The following MAP7 variants were observed in gnomAD, a reference collection of about 807,000 sequenced individuals.
MAP7 encodes the protein ensconsin.
A neutral mutation model predicts 94.8 loss-of-function variants in MAP7; 52 were observed. The ratio of observed to expected loss-of-function variants is 0.55; its 90% confidence interval spans 0.44 to 0.69. The LOEUF is 0.69. Among genes scored for constraint, MAP7 ranks in the 30% least tolerant of loss-of-function variants. The pLI, the probability that MAP7 is intolerant of heterozygous loss-of-function variation, is 0.00. For missense variants in MAP7, 940 were observed against 964.6 expected, an observed-to-expected ratio of 0.97 and a Z score of 0.34; for synonymous variants, 350 against 357.0, an observed-to-expected ratio of 0.98 and a Z score of 0.22.
intron 16 of MAP7, among the ~76,000 whole-genome samples, chr6:136,347,820 G>A (rs898449636): frequency 5.9e-5 from 9 of 151,940 alleles, no homozygotes; most frequent in African/African-American, 1.7e-4. Context: ...CCTTTTTTAC[G>A]GAAAAAATGA....
intron 1 of MAP7, among the ~76,000 whole-genome samples, chr6:136,497,202 T>C (rs796923849): frequency 4.6e-5 from 7 of 152,114 alleles, no homozygotes; most frequent in African/African-American, 1.7e-4. Flanking sequence ...GAAGGAATTG[T>C]AGAATGACTG....
At chr6:136,345,508 G>C (rs1787427300) in intron 17 of MAP7, among the ~76,000 whole-genome samples, 1 of 152,168 alleles carries the variant, frequency 6.6e-6, no homozygotes, top group African/African-American at 2.4e-5. Context: ...AGGCCGGATG[G>C]TCCAAAATTA....
At chr6:136,531,828 T>C (rs1035944730) in intron 1 of MAP7, among the ~76,000 whole-genome samples, 1 of 152,154 alleles carries the variant, frequency 6.6e-6, no homozygotes, top group Non-Finnish European at 1.5e-5. Context: ...AGATGAAAGA[T>C]GGAGAAGTGG....
chr6:136,377,966 A>G, intron 6 of MAP7, 98 bp from the exon 7 acceptor site: 1 of 811,156 alleles, frequency 1.2e-6, no homozygotes, highest in Admixed American at 2.0e-5. Flanking sequence ...CTGGGCCTTC[A>G]CAGGACCAGG....
At chr6:136,444,816 T>C (rs1189139496) in intron 1 of MAP7, among the ~76,000 whole-genome samples, 1 of 152,208 alleles carries the variant, frequency 6.6e-6, no homozygotes, top group Non-Finnish European at 1.5e-5. Context: ...TTCAAGCTTT[T>C]TTAAAAATGT....
At chr6:136,382,621 T>C (rs182735951) in intron 6 of MAP7, among the ~76,000 whole-genome samples, 27 of 152,310 alleles carry the variant, frequency 1.8e-4, no homozygotes, top group Middle Eastern at 3.4e-3. Flanking sequence ...AAGACAAGAA[T>C]GGAAAGTTGT....
Position 136,389,301 on chromosome 6 carries a change from C to T in MAP7, c.408+53G>A. 3 of 1,499,046 alleles carry T rather than the reference C, an allele frequency of 2.0e-6. No individual in the cohort carries two copies. The South Asian group carries it at 4.2e-5, about 21-fold the overall frequency. The allele number at this position is 1,499,046 out of a possible 1,614,324, so 92.9% of individuals were successfully genotyped here. A position where few individuals can be genotyped will look rare whatever the true frequency, so the allele number is the denominator to read the frequency against. The stretch of plus-strand genomic sequence containing the variant: ...ACTGCAAAGTTTCACAGAAAGTTTG[C>T]TGCATGTCTGAACTAGAGGAGCCAC... On this transcript the variant is annotated intron_variant, in intron 4 of 17. Coordinates refer to ENST00000354570, the MANE Select transcript of MAP7 (RefSeq NM_003980.6).
intron 1 of MAP7, among the ~76,000 whole-genome samples, chr6:136,512,627 T>C (rs1823600700): frequency 6.6e-6 from 1 of 152,186 alleles, no homozygotes; most frequent in African/African-American, 2.4e-5. Context: ...CGTTACGCTG[T>C]AGTCTATTAA....
At chr6:136,515,441 AGCTCTCAGCCTATCTAG>A (rs1824521173) in intron 1 of MAP7, among the ~76,000 whole-genome samples, 1 of 152,212 alleles carries the variant, frequency 6.6e-6, no homozygotes, top group Non-Finnish European at 1.5e-5. Context: ...CAAGAGGCCT[AGCTCTCAGCCTATCTAG>A]GCTTTCAACA....
At chr6:136,494,840 G>A (rs1351395446) in intron 1 of MAP7, among the ~76,000 whole-genome samples, 1 of 152,166 alleles carries the variant, frequency 6.6e-6, no homozygotes, top group African/African-American at 2.4e-5. Flanking sequence ...TTAAATCAGT[G>A]GACAGAATAT....
intron 1 of MAP7, among the ~76,000 whole-genome samples, chr6:136,485,257 T>C (rs1050393842): frequency 1.3e-5 from 2 of 152,230 alleles, no homozygotes; most frequent in Non-Finnish European, 2.9e-5. Context: ...TTCCTTTTCC[T>C]CAATATTTAT....
At chr6:136,377,682 G>T in intron 7 of MAP7, 73 bp downstream of exon 7, 1 of 1,126,334 alleles carries the variant, frequency 8.9e-7, no homozygotes, top group Non-Finnish European at 1.3e-6. Flanking sequence ...GAAAAAGTGA[G>T]ATGTGATTAG....
At chr6:136,350,562 T>C (rs1788876956) in intron 16 of MAP7, among the ~76,000 whole-genome samples, 1 of 152,200 alleles carries the variant, frequency 6.6e-6, no homozygotes, top group South Asian at 2.1e-4. Context: ...AAGACAAGAA[T>C]AGGCTGGGCG....
intron 1 of MAP7, among the ~76,000 whole-genome samples, chr6:136,535,123 G>A (rs1828775933): frequency 6.6e-6 from 1 of 152,154 alleles, no homozygotes; most frequent in Admixed American, 6.5e-5. Flanking sequence ...GGCCTGGTGG[G>A]AGGTGACTGG....
At chr6:136,549,151 T>A (rs1223513871) in intron 1 of MAP7, among the ~76,000 whole-genome samples, 1 of 152,230 alleles carries the variant, frequency 6.6e-6, no homozygotes, top group Non-Finnish European at 1.5e-5. Flanking sequence ...TTGCAAATAC[T>A]GTTTCAGAGC....
At chr6:136,364,543 CTA>C (rs1490387872) in intron 10 of MAP7, 15 of 242,972 alleles carry the variant, frequency 6.2e-5, no homozygotes, top group Non-Finnish European at 1.1e-4. Context: ...AAGTTGGAGA[CTA>C]TGTTTCTCCT....
At chr6:136,482,703 A>G (rs532998722) in intron 1 of MAP7, among the ~76,000 whole-genome samples, 3 of 152,286 alleles carry the variant, frequency 2.0e-5, no homozygotes, top group African/African-American at 7.2e-5. Context: ...AGGCACGATA[A>G]AGAAAATGGG....
At chr6:136,447,805 A>C (rs551949263) in intron 1 of MAP7, among the ~76,000 whole-genome samples, 8 of 152,342 alleles carry the variant, frequency 5.3e-5, no homozygotes, top group African/African-American at 1.7e-4. Context: ...TGTGCTGCTA[A>C]AATACCATAA....
At chr6:136,362,424 G>C (rs935290820) in intron 11 of MAP7, 26 bp downstream of exon 11, 3 of 1,610,708 alleles carry the variant, frequency 1.9e-6, no homozygotes, top group Admixed American at 1.7e-5. Flanking sequence ...CTGACACCAT[G>C]GTGTGGAGCA....
Sources: allele counts gnomAD v4.1 joint callset (sites outside exome capture counted in the v4.1 genomes callset), GRCh38; gene constraint gnomAD v4.1.1; transcripts MANE v1.5; gene names NCBI Gene and HGNC (gene_info 2026-07-23, HGNC 2026-07-21).